The following USF3 variants were observed in gnomAD, a reference collection of about 807,000 sequenced individuals.
USF3 encodes the protein upstream transcription factor family member 3.
A neutral mutation model predicts 157.5 loss-of-function variants in USF3; 29 were observed. The ratio of observed to expected loss-of-function variants is 0.18; its 90% CI spans 0.14 to 0.25. USF3 has a LOEUF of 0.25. Among genes scored for constraint, USF3 ranks in the 10% least tolerant of loss-of-function variants. The pLI, the probability that USF3 is intolerant of heterozygous loss-of-function variation, is 1.00. For missense variants in USF3, 2,381 were observed against 2,667.6 expected (o/e 0.89, Z 2.37); for synonymous variants, 893 against 941.4 (o/e 0.95, Z 0.94).
intron 1 of USF3, among the ~76,000 whole-genome samples, chr3:113,690,016 A>T: frequency 6.6e-6 from 1 of 152,176 alleles, no homozygotes; most frequent in South Asian, 2.1e-4. Context: ...CTACCTTTCA[A>T]CTCTGACTTT....
chr3:113,685,372 C>G (rs1192990657), intron 1 of USF3, among the ~76,000 whole-genome samples: 2 of 152,120 alleles, frequency 1.3e-5, no homozygotes, highest in African/African-American at 2.4e-5. Context: ...GATGTTTATT[C>G]AAGCCCAGGG....
intron 6 of USF3, 30 bp downstream of exon 6, chr3:113,664,280 TACA>T (rs1947529817): frequency 7.3e-7 from 1 of 1,367,716 alleles, no homozygotes; most frequent in African/African-American, 1.4e-5. Flanking sequence ...CATTTTAAAA[TACA>T]ACAAAAAGTA....
chr3:113,654,844 C>G lies in USF3; in HGVS notation c.*100G>C, dbSNP rs1475090910. 1.5e-6 allele frequency: 2 copies of G among 1,306,330 alleles called. No homozygotes were observed. Among genetic ancestry groups the G allele is most frequent in the African/African-American group, 2.9e-5 (2 of 67,838 alleles). 80.9% of individuals were successfully genotyped at this position (1,306,330 alleles called of 1,614,324 possible). ...TAACTGAAAACTGATTATACAGACACACACACACAATCCTTCTCTTCATGT... is the reference window on the plus strand; with the variant it reads ...TAACTGAAAACTGATTATACAGACAGACACACACAATCCTTCTCTTCATGT... On this transcript the variant is annotated 3_prime_UTR_variant, in exon 7 of 7. Coordinates refer to ENST00000316407, the MANE Select transcript of USF3 (RefSeq NM_001009899.4).
Position 113,655,479 on chromosome 3 carries a change from A to G in USF3, c.6203T>C (p.Ile2068Thr), listed in dbSNP as rs746350716. ...TGGTGGATTCATGCCACCCTCAGGA[A>G]TAAAAGAAAAACCAAAATTTTGTGA... ...TLSQNFGFSF[I>T]PEGGMNPPIN... is the part of the protein sequence containing the mutation. Residue 2068 changes from isoleucine (I) to threonine (T), a missense_variant, in exon 7 of 7, where the codon ATT (isoleucine) becomes ACT (threonine). Physicochemically the swap from Ile to Thr is moderately conservative, Grantham distance 89. Around this residue, in one of 6 missense-constraint regions of USF3, gnomAD observed 770 missense variants for 824.2 expected, o/e 0.93. Transcript: ENST00000316407. 2 of 1,614,174 alleles carry G rather than the reference A, an allele frequency of 1.2e-6. No homozygotes were observed. Among genetic ancestry groups the G allele is most frequent in the South Asian group, 2.2e-5 (2 of 91,080 alleles).
chr3:113,677,254 A>G (rs1049860845), intron 2 of USF3, 28 bp downstream of exon 2: 2 of 152,212 alleles, frequency 1.3e-5, no homozygotes, highest in Non-Finnish European at 2.9e-5. Context: ...TTAAATAAGT[A>G]AATGAATAAT....
intron 6 of USF3, 99 bp downstream of exon 6, chr3:113,664,214 G>A: frequency 2.9e-6 from 2 of 688,682 alleles, no homozygotes; most frequent in East Asian, 2.8e-5. Context: ...AATGTTTTGG[G>A]GCCAAAAAGC....
intron 5 of USF3, 61 bp from the exon 6 acceptor site, chr3:113,664,470 AAACTT>A: frequency 1.2e-6 from 1 of 858,848 alleles, no homozygotes; most frequent in Non-Finnish European, 1.9e-6. Context: ...TTGCCAGATG[AAACTT>A]TAAGCTTTGT....
At chr3:113,681,544 C>T (rs1324251478) in intron 1 of USF3, among the ~76,000 whole-genome samples, 1 of 148,498 alleles carries the variant, frequency 6.7e-6, no homozygotes, top group Non-Finnish European at 1.5e-5. Flanking sequence ...TTCACCACCA[C>T]GACTGGCTAA....
chr3:113,661,750 T>C (rs1947490297), intron 6 of USF3, among the ~76,000 whole-genome samples: 1 of 152,236 alleles, frequency 6.6e-6, no homozygotes, highest in Non-Finnish European at 1.5e-5. Context: ...ACTGATATCA[T>C]GGCAACATGC....
chr3:113,672,900 C>T (rs988174858), intron 4 of USF3, among the ~76,000 whole-genome samples: 14 of 152,188 alleles, frequency 9.2e-5, no homozygotes, highest in African/African-American at 2.7e-4. Context: ...TTTTCTATAT[C>T]TTCCTATAAT....
intron 5 of USF3, among the ~76,000 whole-genome samples, chr3:113,666,302 A>T: frequency 8.7e-6 from 1 of 115,294 alleles, no homozygotes; most frequent in African/African-American, 3.4e-5. Context: ...CCGAGGCTGG[A>T]GTGCAGTGGC....
rs1175689217 is a variant in USF3, at chr3:113,656,387, T to A, written c.5295A>T (p.Ser1765=). 1 of 1,614,206 alleles carries A rather than the reference T, an allele frequency of 6.2e-7. No homozygotes were observed. Among genetic ancestry groups the A allele is most frequent in the African/African-American group, 1.3e-5 (1 of 75,060 alleles). The stretch of plus-strand genomic sequence containing the variant: ...CCTGGGACTGCATACTCCGCAATGA[T>A]GATACAGGGTTACCTATTTCATTGT... ...SRNNEIGNPV[S]SLRSMQSQAF... is the part of the protein sequence containing the mutation. Residue 1765 remains serine (S), a synonymous_variant, in exon 7 of 7, where the codon TCA becomes TCT. Transcript: ENST00000316407.
At chr3:113,670,435 C>A (rs1181346471) in intron 4 of USF3, among the ~76,000 whole-genome samples, 3 of 152,092 alleles carry the variant, frequency 2.0e-5, no homozygotes, top group Non-Finnish European at 4.4e-5. Context: ...CCCATCTCTA[C>A]TAAAAATACA....
chr3:113,689,118 G>A (rs1223678026), intron 1 of USF3, among the ~76,000 whole-genome samples: 1 of 152,188 alleles, frequency 6.6e-6, no homozygotes, highest in East Asian at 1.9e-4. Flanking sequence ...GAATGAAATT[G>A]TACAGTAAAT....
intron 4 of USF3, among the ~76,000 whole-genome samples, chr3:113,670,813 C>G (rs1577040899): frequency 6.6e-6 from 1 of 152,130 alleles, no homozygotes; most frequent in Admixed American, 6.5e-5. Flanking sequence ...GCAGTGCAAT[C>G]TCAGCTCACT....
Position 113,655,375 on chromosome 3 carries a change from G to T in USF3, c.6307C>A (p.Pro2103Thr). 6.2e-7 allele frequency: 1 copy of T among 1,614,116 alleles called. No homozygotes were observed. The highest frequency in any genetic ancestry group is 1.1e-5 in the South Asian group (1 of 91,084). Residue 2103 changes from proline (P) to threonine (T), a missense_variant, in exon 7 of 7, where the codon CCG (proline) becomes ACG (threonine). Pro to Thr is a conservative substitution (Grantham distance 38). This residue lies in a region of USF3 where 770 missense variants were observed against 824.2 expected (regional missense o/e 0.93). Coordinates refer to ENST00000316407, the MANE Select transcript of USF3 (RefSeq NM_001009899.4). ...TRTPALIPVD[P>T]QNTLPSFYPP... ...TAGAAGGAGGGCAGAGTATTTTGCG[G>T]ATCTACCGGGATGAGGGCTGGAGTT... is the stretch of plus-strand genomic sequence containing the variant.
rs748784817 is a variant in USF3 at position 113,653,280 on chromosome 3, C to A, written c.*1664G>T. 6.6e-6 allele frequency: 1 copy of A among 152,466 alleles called. No homozygotes were observed. Among genetic ancestry groups the A allele is most frequent in the African/African-American group, 2.4e-5 (1 of 41,212 alleles). The allele number at this position is 152,466 out of a possible 1,614,324, so 9.4% of individuals were successfully genotyped here. On this transcript the variant is annotated 3_prime_UTR_variant, in exon 7 of 7. Coordinates refer to ENST00000316407, the MANE Select transcript of USF3 (RefSeq NM_001009899.4). ...TCAAATTTTAATATGGGTTTTTAAA[C>A]GTATTATAAACTTCTGTGGGGCTTT... is the stretch of plus-strand genomic sequence containing the variant.
chr3:113,680,053 CTTT>C (rs71131103), intron 1 of USF3, among the ~76,000 whole-genome samples: 69 of 58,632 alleles, frequency 1.2e-3, no homozygotes, highest in South Asian at 5.4e-3. Context: ...CTGTAGTTTT[CTTT>C]TTTTTTTTTT....
Position 113,659,326 on chromosome 3 carries a change from A to G in USF3, c.2356T>C (p.Cys786Arg). The G allele has an allele frequency of 6.2e-7, 1 of 1,614,240 alleles. No individual in the cohort carries two copies. The highest frequency in any genetic ancestry group is 1.1e-5 in the South Asian group (1 of 91,090). ...VSTSSMNTVACLPNMKSKRLN... is the reference protein window; with the variant it reads ...VSTSSMNTVARLPNMKSKRLN... ...CTTTTAGATTTCATGTTAGGCAAAC[A>G]AGCAACAGTGTTCATTGAGGAAGTA... Residue 786 changes from cysteine to arginine, a missense_variant, in exon 7 of 7, where the codon TGT becomes CGT. Physicochemically the swap from Cys to Arg is radical, Grantham distance 180. Around this residue, in one of 6 missense-constraint regions of USF3, gnomAD observed 1,435 missense variants for 1,550.9 expected, o/e 0.93. Coordinates refer to ENST00000316407, the MANE Select transcript of USF3 (RefSeq NM_001009899.4).
Sources: allele counts gnomAD v4.1 joint callset (sites outside exome capture counted in the v4.1 genomes callset), GRCh38; gene constraint gnomAD v4.1.1; regional missense constraint gnomAD v4.1.1; transcripts MANE v1.5; gene names NCBI Gene and HGNC (gene_info 2026-07-23, HGNC 2026-07-21).